The following ARSB variants were observed in gnomAD, a reference collection of about 807,000 sequenced individuals.
ARSB encodes N-acetylgalactosamine-4-sulfatase.
ARSB carries 41 observed loss-of-function variants against 50.9 expected under a neutral mutation model. The ratio of observed to expected loss-of-function variants is 0.81; its 90% confidence interval spans 0.63 to 1.04. The LOEUF (loss-of-function observed/expected upper bound fraction) is 1.04, where lower values mean the gene tolerates loss of function less well. Among genes scored for constraint, ARSB ranks in the 50% least tolerant of loss-of-function variants. The probability of loss-of-function intolerance (pLI) is 0.00; values close to 1 mark genes in which losing one functional copy is unlikely to be tolerated. For missense variants in ARSB, 672 were observed against 693.3 expected, an observed-to-expected ratio of 0.97 and a Z score of 0.35; for synonymous variants, 269 against 284.8, an observed-to-expected ratio of 0.94 and a Z score of 0.56.
At chr5:78,811,930 T>C (rs75497745) in intron 6 of ARSB, among the ~76,000 whole-genome samples, 3,536 of 150,026 alleles carry the variant, frequency 0.024, 54 homozygotes, top group African/African-American at 0.027. Flanking sequence ...ATTTCATCCA[T>C]ACATTTTTTT....
chr5:78,853,283 C>T (rs1366653750), intron 5 of ARSB, among the ~76,000 whole-genome samples: 1 of 152,150 alleles, frequency 6.6e-6, no homozygotes, highest in African/African-American at 2.4e-5. Context: ...CAGACAGGAC[C>T]CTCAGCTGCA....
intron 3 of ARSB, among the ~76,000 whole-genome samples, chr5:78,961,220 G>A (rs774446432): frequency 6.6e-5 from 10 of 152,084 alleles, no homozygotes; most frequent in Non-Finnish European, 1.2e-4. Flanking sequence ...ATTCAACATC[G>A]GGATAAAATC....
chr5:78,928,292 C>G (rs114222813), intron 4 of ARSB, among the ~76,000 whole-genome samples: 1 of 142,664 alleles, frequency 7.0e-6, no homozygotes, highest in Admixed American at 7.1e-5. Flanking sequence ...ACTGTGATTG[C>G]CATTTGCTTT....
At chr5:78,851,026 A>C (rs533846472) in intron 5 of ARSB, among the ~76,000 whole-genome samples, 7 of 152,188 alleles carry the variant, frequency 4.6e-5, no homozygotes, top group African/African-American at 1.7e-4. Flanking sequence ...GGATTCATTA[A>C]TTTTTTGAAG....
intron 5 of ARSB, among the ~76,000 whole-genome samples, chr5:78,867,011 G>C (rs556188976): frequency 6.6e-6 from 1 of 152,240 alleles, no homozygotes; most frequent in Admixed American, 6.5e-5. Context: ...CCTGGGAAGC[G>C]CAAGGGGTCA....
Position 78,780,339 on chromosome 5 carries a change from T to G in ARSB, c.*58A>C. The G allele has an allele frequency of 1.6e-5, 25 of 1,609,446 alleles. No homozygotes were observed. Among genetic ancestry groups the G allele is most frequent in the Non-Finnish European group, 2.1e-5 (25 of 1,178,116 alleles). On this transcript the variant is annotated 3_prime_UTR_variant, in exon 8 of 8. Coordinates refer to ENST00000264914, the MANE Select transcript of ARSB (RefSeq NM_000046.5). ...GGGATAACAAATGAGACAAGAGTCGTGAGAAAAGGCCTGAGGTCCAACTTC... is the reference window on the plus strand; with the variant it reads ...GGGATAACAAATGAGACAAGAGTCGGGAGAAAAGGCCTGAGGTCCAACTTC...
At chr5:78,873,461 A>AAAAAC (rs1178015187) in intron 5 of ARSB, among the ~76,000 whole-genome samples, 1 of 151,586 alleles carries the variant, frequency 6.6e-6, no homozygotes, top group Non-Finnish European at 1.5e-5. Context: ...CCTGAAGAAG[A>AAAAAC]AAAACAAAAC....
intron 5 of ARSB, among the ~76,000 whole-genome samples, chr5:78,849,352 G>A (rs1476957086): frequency 2.6e-5 from 4 of 152,024 alleles, no homozygotes; most frequent in Non-Finnish European, 5.9e-5. Flanking sequence ...TTTTTCTCAG[G>A]TTTGTCAAAG....
Position 78,964,327 on chromosome 5 carries a change from C to G in ARSB, c.690+89G>C, listed in dbSNP as rs756527985. The G allele has an allele frequency of 3.9e-5, 51 of 1,298,080 alleles. No individual in the cohort carries two copies. In the African/African-American group the frequency reaches 6.9e-4, roughly 17 times the overall value. The allele number at this position is 1,298,080 out of a possible 1,614,324, so 80.4% of individuals were successfully genotyped here. A position where few individuals can be genotyped will look rare whatever the true frequency, so the allele number is the denominator to read the frequency against. On this transcript the variant is annotated intron_variant, in intron 3 of 7. Coordinates refer to ENST00000264914, the MANE Select transcript of ARSB (RefSeq NM_000046.5). ...TTCCCTAGAATTTATTAGATTTTTC[C>G]CTAAACAACAATGGCCTTTTCCTAC...
At chr5:78,929,620 G>A (rs1381319553) in intron 4 of ARSB, among the ~76,000 whole-genome samples, 1 of 151,774 alleles carries the variant, frequency 6.6e-6, no homozygotes, top group Non-Finnish European at 1.5e-5. Flanking sequence ...GCAAAACCCC[G>A]TTTCTACTAA....
chr5:78,931,726 A>G (rs577412832), intron 4 of ARSB, among the ~76,000 whole-genome samples: 2 of 152,050 alleles, frequency 1.3e-5, no homozygotes, highest in East Asian at 1.9e-4. Flanking sequence ...AGTTTGTCCT[A>G]TGCTGATTGG....
intron 6 of ARSB, among the ~76,000 whole-genome samples, chr5:78,813,231 T>C (rs535128102): frequency 1.8e-4 from 28 of 152,094 alleles, no homozygotes; most frequent in African/African-American, 6.5e-4. Context: ...CACCGGCTAA[T>C]TTTTGTATTT....
chr5:78,810,674 T>G (rs1743774846), intron 6 of ARSB, among the ~76,000 whole-genome samples: 1 of 152,218 alleles, frequency 6.6e-6, no homozygotes, highest in African/African-American at 2.4e-5. Flanking sequence ...GGATGCATTT[T>G]AAGAAAATAC....
intron 6 of ARSB, among the ~76,000 whole-genome samples, chr5:78,795,246 A>G (rs1248727346): frequency 2.0e-5 from 3 of 152,198 alleles, no homozygotes; most frequent in African/African-American, 4.8e-5. Flanking sequence ...GAGGTGGCCA[A>G]TGTCCACCTT....
intron 6 of ARSB, chr5:78,815,627 A>G: frequency 1.0e-6 from 1 of 994,256 alleles, no homozygotes; most frequent in Non-Finnish European, 1.2e-6. Context: ...TCTTCTCTAT[A>G]TGCTATTAGG....
chr5:78,822,707 G>A (rs751710101), intron 6 of ARSB, among the ~76,000 whole-genome samples: 5 of 152,156 alleles, frequency 3.3e-5, no homozygotes, highest in Non-Finnish European at 5.9e-5. Context: ...GCGTGATCTC[G>A]GCTTACTGCA....
At chr5:78,790,019 G>A (rs1714159806) in intron 6 of ARSB, among the ~76,000 whole-genome samples, 1 of 152,190 alleles carries the variant, frequency 6.6e-6, no homozygotes, top group African/African-American at 2.4e-5. Context: ...GCTGTAGGGT[G>A]AACGGGAGGG....
chr5:78,892,694 T>C (rs1301412836), intron 4 of ARSB, among the ~76,000 whole-genome samples: 2 of 152,130 alleles, frequency 1.3e-5, no homozygotes, highest in Non-Finnish European at 2.9e-5. Flanking sequence ...TCAATTATCA[T>C]AGAAAAAAAC....
At chr5:78,854,324 G>T (rs3098683) in intron 5 of ARSB, among the ~76,000 whole-genome samples, 116,515 of 152,266 alleles carry the variant, frequency 0.77, 44,997 homozygotes, top group African/African-American at 0.84. Flanking sequence ...CTACGTTGCT[G>T]ATTGGAAATC....
Sources: allele counts gnomAD v4.1 joint callset (sites outside exome capture counted in the v4.1 genomes callset), GRCh38; gene constraint gnomAD v4.1.1; transcripts MANE v1.5; gene names NCBI Gene and HGNC (gene_info 2026-07-23, HGNC 2026-07-21).